Variants in FHIT observed in about 807,000 individuals in gnomAD.
FHIT encodes the protein bis(5'-adenosyl)-triphosphatase.
FHIT carries 19 observed loss-of-function variants against 17.9 expected under a neutral mutation model. That is an observed-to-expected ratio of 1.06 (90% CI 0.74 to 1.56). The LOEUF is 1.56. Among genes scored for constraint, FHIT ranks in the 40% most tolerant of loss-of-function variants. FHIT has a pLI of 0.00. For missense variants in FHIT, 248 were observed against 189.2 expected (o/e 1.31, Z -1.82); for synonymous variants, 81 against 69.7 (o/e 1.16, Z -0.81).
chr3:60,278,093 G>A (rs763822589), intron 5 of FHIT, among the ~76,000 whole-genome samples: 10 of 152,154 alleles, frequency 6.6e-5, no homozygotes, highest in Non-Finnish European at 1.5e-4. Context: ...ACGAACACGT[G>A]TATGATAATT....
chr3:59,971,406 A>C (rs1708175027), intron 7 of FHIT, among the ~76,000 whole-genome samples: 1 of 152,108 alleles, frequency 6.6e-6, no homozygotes, highest in Admixed American at 6.6e-5. Flanking sequence ...TGAGGACATG[A>C]ATTGCTATGT....
chr3:61,007,617 T>A (rs1344585355), intron 3 of FHIT, among the ~76,000 whole-genome samples: 1 of 152,234 alleles, frequency 6.6e-6, no homozygotes, highest in Non-Finnish European at 1.5e-5. Context: ...TTTCTCACTC[T>A]GACACAAAAT....
At chr3:60,467,005 C>A (rs543983330) in intron 5 of FHIT, among the ~76,000 whole-genome samples, 1 of 151,720 alleles carries the variant, frequency 6.6e-6, no homozygotes, top group Non-Finnish European at 1.5e-5. Context: ...TCAAATCTAG[C>A]GCTTTTCTTT....
intron 2 of FHIT, among the ~76,000 whole-genome samples, chr3:61,060,602 A>C (rs1262307160): frequency 6.6e-6 from 1 of 152,194 alleles, no homozygotes; most frequent in African/African-American, 2.4e-5. Flanking sequence ...ATGGGCCATC[A>C]TATCTTCTCC....
At chr3:60,790,188 GTGT>G (rs1185998506) in intron 4 of FHIT, among the ~76,000 whole-genome samples, 3 of 152,164 alleles carry the variant, frequency 2.0e-5, no homozygotes, top group African/African-American at 4.8e-5. Flanking sequence ...TTCATTGTCA[GTGT>G]TGTTCTAAAA....
intron 5 of FHIT, among the ~76,000 whole-genome samples, chr3:60,509,638 C>A (rs1320585462): frequency 6.6e-6 from 1 of 151,982 alleles, no homozygotes; most frequent in Non-Finnish European, 1.5e-5. Flanking sequence ...TCGCAAGTGA[C>A]AGATGACTTG....
intron 5 of FHIT, among the ~76,000 whole-genome samples, chr3:60,195,705 A>G (rs1702610699): frequency 6.6e-6 from 1 of 150,722 alleles, no homozygotes; most frequent in Non-Finnish European, 1.5e-5. Context: ...ATAAACAAGA[A>G]AAAAATAATG....
chr3:59,931,566 C>A (rs1329764363), intron 7 of FHIT, among the ~76,000 whole-genome samples: 1 of 152,054 alleles, frequency 6.6e-6, no homozygotes, highest in Non-Finnish European at 1.5e-5. Flanking sequence ...AATGCTCAGG[C>A]AGTTGGTATG....
chr3:60,288,048 A>T (rs983568488), intron 5 of FHIT, among the ~76,000 whole-genome samples: 6 of 152,186 alleles, frequency 3.9e-5, no homozygotes, highest in Non-Finnish European at 7.4e-5. Flanking sequence ...CTGGAGTCAC[A>T]ACACCCACCA....
At chr3:60,307,412 G>A (rs1313498414) in intron 5 of FHIT, among the ~76,000 whole-genome samples, 1 of 152,116 alleles carries the variant, frequency 6.6e-6, no homozygotes, top group Non-Finnish European at 1.5e-5. Context: ...ATCCACACAA[G>A]TCTTGAACTT....
At chr3:60,733,409 C>T (rs1211330950) in intron 4 of FHIT, among the ~76,000 whole-genome samples, 1 of 152,144 alleles carries the variant, frequency 6.6e-6, no homozygotes, top group Non-Finnish European at 1.5e-5. Flanking sequence ...GTGTAGCACA[C>T]ATCTGGTTTT....
chr3:61,137,887 G>T (rs2036962580), intron 2 of FHIT, among the ~76,000 whole-genome samples: 1 of 152,132 alleles, frequency 6.6e-6, no homozygotes, highest in Non-Finnish European at 1.5e-5. Context: ...CTTTTAATCT[G>T]CATATCTCCA....
At chr3:60,698,792 A>G (rs747177174) in intron 4 of FHIT, among the ~76,000 whole-genome samples, 23 of 152,296 alleles carry the variant, frequency 1.5e-4, no homozygotes, top group Non-Finnish European at 3.2e-4. Flanking sequence ...TTTAAAAATT[A>G]GGATTTTGGA....
At chr3:59,804,134 C>T (rs550187259) in intron 8 of FHIT, among the ~76,000 whole-genome samples, 157 of 152,296 alleles carry the variant, frequency 1.0e-3, no homozygotes, top group Middle Eastern at 0.01. Flanking sequence ...AGCAACATCT[C>T]GCAGAGCGAC....
intron 4 of FHIT, among the ~76,000 whole-genome samples, chr3:60,814,538 G>A (rs191736537): frequency 1.3e-5 from 2 of 152,064 alleles, no homozygotes; most frequent in Admixed American, 6.6e-5. Flanking sequence ...GACATGATTC[G>A]ATTCTTTTTT....
rs147607227 is a variant in FHIT at position 60,633,181 on chromosome 3, G to C, written c.-17-96202C>G. ...GAAATGTGCCCAAAATATCCTCAAA[G>C]ACTTTATTAATCTAGGGAGGCAATA... On this transcript the variant is annotated intron_variant, in intron 4 of 9. Transcript: ENST00000492590. 3.5e-3 allele frequency among the ~76,000 whole-genome samples: 526 copies of C among 152,246 alleles called. 6 individuals carry two copies. The highest frequency in any genetic ancestry group is 0.012 in the African/African-American group (505 of 41,534).
chr3:59,772,222 G>T (rs1397060488), intron 8 of FHIT, among the ~76,000 whole-genome samples: 2 of 151,152 alleles, frequency 1.3e-5, no homozygotes, highest in Admixed American at 1.3e-4. Flanking sequence ...AAGTGAATTT[G>T]AAGTTAGAAG....
chr3:60,426,447 T>C (rs1702669220), intron 5 of FHIT, among the ~76,000 whole-genome samples: 1 of 152,056 alleles, frequency 6.6e-6, no homozygotes, highest in African/African-American at 2.4e-5. Context: ...GTCTAGACCA[T>C]ACTAAAGATT....
chr3:61,045,746 A>T (rs545690557), intron 2 of FHIT, among the ~76,000 whole-genome samples: 8 of 152,194 alleles, frequency 5.3e-5, no homozygotes, highest in Admixed American at 2.6e-4. Flanking sequence ...GAAGTAAAGC[A>T]CTCCTCAGCA....
Sources: gnomAD v4.1 joint callset for allele counts (sites outside exome capture counted in the v4.1 genomes callset) on GRCh38, gnomAD v4.1.1 for gene constraint, MANE v1.5 for transcripts, NCBI Gene and HGNC (gene_info 2026-07-23, HGNC 2026-07-21) for gene names.